Variants in SPATA13 observed in about 807,000 individuals in gnomAD.
The protein encoded by SPATA13 is spermatogenesis associated 13.
Under a neutral mutation model 104.0 loss-of-function variants are expected in SPATA13, and 50 were observed. That is an observed-to-expected ratio of 0.48 (90% CI 0.38 to 0.61). The LOEUF is 0.61. Ranked by LOEUF, SPATA13 falls within the 20% of genes least tolerant of loss-of-function variation. The pLI, the probability that SPATA13 is intolerant of heterozygous loss-of-function variation, is 0.00. For missense variants in SPATA13, 1,524 were observed against 1,690.6 expected, an observed-to-expected ratio of 0.90 and a Z score of 1.73; for synonymous variants, 606 against 667.5, an observed-to-expected ratio of 0.91 and a Z score of 1.42.
intron 7 of SPATA13, among the ~76,000 whole-genome samples, chr13:24,287,272 C>T (rs970849817): frequency 3.3e-5 from 5 of 152,120 alleles, no homozygotes; most frequent in Admixed American, 2.0e-4. Flanking sequence ...AGCAGTCCTC[C>T]CTCCTCAGCC....
intron 3 of SPATA13, among the ~76,000 whole-genome samples, chr13:24,098,631 G>GAAAA (rs1211099432): frequency 6.7e-6 from 1 of 149,558 alleles, no homozygotes; most frequent in Non-Finnish European, 1.5e-5. Flanking sequence ...AAGAAAGAAA[G>GAAAA]AAAGAAAAAA....
At chr13:24,109,764 G>A (rs545191883) in intron 3 of SPATA13, among the ~76,000 whole-genome samples, 9 of 151,956 alleles carry the variant, frequency 5.9e-5, no homozygotes, top group Admixed American at 2.6e-4. Flanking sequence ...CCCTTAACCA[G>A]CACCACTAGG....
chr13:24,146,115 A>G (rs1197220643), intron 3 of SPATA13, among the ~76,000 whole-genome samples: 4 of 152,170 alleles, frequency 2.6e-5, no homozygotes, highest in Admixed American at 2.6e-4. Context: ...GGAGGGGAGG[A>G]TGATACACAG....
intron 3 of SPATA13, among the ~76,000 whole-genome samples, chr13:24,149,550 T>C (rs1207807832): frequency 6.6e-6 from 1 of 152,246 alleles, no homozygotes; most frequent in Non-Finnish European, 1.5e-5. Flanking sequence ...AGAGGAGTTC[T>C]GCTGCCACTT....
intron 3 of SPATA13, among the ~76,000 whole-genome samples, chr13:24,133,487 A>C (rs1881453165): frequency 6.6e-6 from 1 of 152,200 alleles, no homozygotes; most frequent in Non-Finnish European, 1.5e-5. Context: ...CGGCCCTGGA[A>C]CTAGATACCC....
chr13:24,238,522 T>G (rs1872684589), intron 2 of SPATA13, among the ~76,000 whole-genome samples: 1 of 152,120 alleles, frequency 6.6e-6, no homozygotes, highest in Non-Finnish European at 1.5e-5. Context: ...CTAAGGTGCT[T>G]CAGTCCCTTT....
At chr13:24,169,884 G>A (rs1300771299) in intron 1 of SPATA13, among the ~76,000 whole-genome samples, 1 of 152,194 alleles carries the variant, frequency 6.6e-6, no homozygotes, top group African/African-American at 2.4e-5. Flanking sequence ...AATACTCAGG[G>A]CATGAGCACT....
At chr13:24,282,693 A>G (rs1875633957) in intron 4 of SPATA13, among the ~76,000 whole-genome samples, 1 of 152,154 alleles carries the variant, frequency 6.6e-6, no homozygotes, top group South Asian at 2.1e-4. Flanking sequence ...AAAGTCTGTC[A>G]TTAGCCCAGC....
intron 1 of SPATA13, among the ~76,000 whole-genome samples, chr13:24,164,240 G>A (rs1198837548): frequency 6.6e-6 from 1 of 152,210 alleles, no homozygotes; most frequent in African/African-American, 2.4e-5. Flanking sequence ...GAGCAGTAAA[G>A]GGGGAGCATA....
At chr13:24,104,552 A>T (rs1880376084) in intron 3 of SPATA13, among the ~76,000 whole-genome samples, 1 of 152,212 alleles carries the variant, frequency 6.6e-6, no homozygotes, top group South Asian at 2.1e-4. Flanking sequence ...CTTAGAGACA[A>T]GAGCTCCTCG....
intron 3 of SPATA13, among the ~76,000 whole-genome samples, chr13:24,077,262 C>CAAAAAAAAAAAAAAAAAAAAAAAAAAAA (rs60810328): frequency 2.7e-5 from 2 of 73,038 alleles, no homozygotes; most frequent in African/African-American, 5.6e-5. Flanking sequence ...GACTCCATGT[C>CAAAAAAAAAAAAAAAAAAAAAAAAAAAA]AAAAAAAAAA....
rs946401683 is a variant in SPATA13 at position 24,019,587 on chromosome 13, T to C, written c.-112+1886T>C. ...TGCTAAATAGCTAGGAAACTTTTCTTGAGCAGAATATTACTAGTGCATTCT... is the reference window on the plus strand; with the variant it reads ...TGCTAAATAGCTAGGAAACTTTTCTCGAGCAGAATATTACTAGTGCATTCT... On this transcript the variant is annotated intron_variant, in intron 3 of 14. Transcript: ENST00000424834. 5.9e-5 allele frequency among the ~76,000 whole-genome samples: 9 copies of C among 152,334 alleles called. No homozygotes were observed. The South Asian group carries it at 6.2e-4, about 11-fold the overall frequency.
At chr13:24,017,135 T>C (rs1017678007) in intron 2 of SPATA13, among the ~76,000 whole-genome samples, 1 of 152,196 alleles carries the variant, frequency 6.6e-6, no homozygotes, top group Non-Finnish European at 1.5e-5. Flanking sequence ...CATCAGTAGA[T>C]GAGTGAGCAC....
At chr13:24,172,515 T>G (rs939831953) in intron 1 of SPATA13, among the ~76,000 whole-genome samples, 2 of 152,200 alleles carry the variant, frequency 1.3e-5, no homozygotes, top group African/African-American at 4.8e-5. Flanking sequence ...CCATGATCCA[T>G]TCAAGTTAAT....
At chr13:24,221,016 G>A (rs1871556380) in intron 1 of SPATA13, among the ~76,000 whole-genome samples, 1 of 152,196 alleles carries the variant, frequency 6.6e-6, no homozygotes, top group Non-Finnish European at 1.5e-5. Flanking sequence ...TGTGGCCTTG[G>A]AGGTAATGGC....
intron 4 of SPATA13, among the ~76,000 whole-genome samples, chr13:24,277,344 T>C (rs1875075023): frequency 6.7e-6 from 1 of 148,206 alleles, no homozygotes; most frequent in Admixed American, 6.9e-5. Context: ...CTCGGGAGGC[T>C]GAGGCAGGAG....
At chr13:24,150,009 G>A (rs1356945694) in intron 3 of SPATA13, among the ~76,000 whole-genome samples, 3 of 152,102 alleles carry the variant, frequency 2.0e-5, no homozygotes, top group Non-Finnish European at 4.4e-5. Context: ...TGTGGGGCAT[G>A]GGAGAGTCGG....
intron 3 of SPATA13, among the ~76,000 whole-genome samples, chr13:24,073,811 A>G (rs1278206267): frequency 2.0e-5 from 3 of 152,176 alleles, no homozygotes; most frequent in African/African-American, 7.2e-5. Context: ...GAGATGTGGG[A>G]GGGAGAAATA....
At chr13:23,998,928 G>T (rs2248122) in intron 2 of SPATA13, among the ~76,000 whole-genome samples, 112,589 of 147,312 alleles carry the variant, frequency 0.76, 43,038 homozygotes, top group African/African-American at 0.8. Flanking sequence ...ACTAACTTTG[G>T]TTTTTTTTTT....
Sources: allele counts gnomAD v4.1 joint callset (sites outside exome capture counted in the v4.1 genomes callset), GRCh38; gene constraint gnomAD v4.1.1; transcripts MANE v1.5; gene names NCBI Gene and HGNC (gene_info 2026-07-23, HGNC 2026-07-21).